The following CNGB3 variants were observed in gnomAD, a reference collection of about 807,000 sequenced individuals.
CNGB3 encodes the protein cyclic nucleotide gated channel subunit beta 3.
Under a neutral mutation model 92.8 loss-of-function variants are expected in CNGB3, and 86 were observed. That is an observed-to-expected ratio of 0.93 (90% CI 0.78 to 1.11). The LOEUF (loss-of-function observed/expected upper bound fraction) is 1.11, where lower values mean the gene tolerates loss of function less well. Ranked by LOEUF, CNGB3 falls within the 50% of genes least tolerant of loss-of-function variation. The pLI is 0.00. For missense variants in CNGB3, 1,026 were observed against 956.8 expected, an observed-to-expected ratio of 1.07 and a Z score of -0.95; for synonymous variants, 333 against 332.7, an observed-to-expected ratio of 1.00 and a Z score of -0.01.
At chr8:86,727,451 T>C (rs1825080497) in intron 2 of CNGB3, among the ~76,000 whole-genome samples, 1 of 152,176 alleles carries the variant, frequency 6.6e-6, no homozygotes, top group Non-Finnish European at 1.5e-5. Flanking sequence ...AGCTTGACCA[T>C]CTTTAAGTTG....
chr8:86,710,832 T>C (rs1236645935), intron 3 of CNGB3, among the ~76,000 whole-genome samples: 1 of 152,196 alleles, frequency 6.6e-6, no homozygotes, highest in Admixed American at 6.5e-5. Flanking sequence ...ATTCTTCATA[T>C]AGTTTTGGTT....
intron 3 of CNGB3, among the ~76,000 whole-genome samples, chr8:86,690,879 T>G (rs951367381): frequency 1.3e-5 from 2 of 152,136 alleles, no homozygotes; most frequent in Non-Finnish European, 2.9e-5. Flanking sequence ...AGATGTGTGG[T>G]GTTATTTCTG....
At chr8:86,619,944 C>T (rs1585973666) in intron 13 of CNGB3, among the ~76,000 whole-genome samples, 1 of 152,070 alleles carries the variant, frequency 6.6e-6, no homozygotes, top group East Asian at 1.9e-4. Flanking sequence ...TGGTTTTGAG[C>T]TCCTGGGCTC....
At chr8:86,654,172 A>T in intron 6 of CNGB3, 110 bp from the exon 7 acceptor site, 1 of 758,740 alleles carries the variant, frequency 1.3e-6, no homozygotes, top group Non-Finnish European at 2.3e-6. Flanking sequence ...AATCTCAGCC[A>T]ATAAACATCC....
At chr8:86,659,244 T>C in intron 6 of CNGB3, 2 of 759,516 alleles carry the variant, frequency 2.6e-6, no homozygotes, top group South Asian at 2.8e-5. Flanking sequence ...ATTTTCAGTA[T>C]ATTGGTCTTT....
chr8:86,663,858 T>C (rs1823690763), intron 6 of CNGB3, among the ~76,000 whole-genome samples: 1 of 152,238 alleles, frequency 6.6e-6, no homozygotes. Flanking sequence ...AAATAGAGCC[T>C]GTTGAGTGTG....
intron 17 of CNGB3, 114 bp from the exon 18 acceptor site, chr8:86,576,244 A>G: frequency 1.8e-6 from 2 of 1,116,924 alleles, no homozygotes; most frequent in Non-Finnish European, 2.6e-6. Flanking sequence ...TGTCTGAATT[A>G]AGTGAATCCA....
In CNGB3 at chr8:86,670,970, G is replaced by A. The variant is rs139207764; in HGVS notation, c.467C>T (p.Ser156Phe). 4.2e-5 allele frequency: 67 copies of A among 1,612,482 alleles called. No individual in the cohort carries two copies. In the Middle Eastern group the frequency reaches 8.3e-4, roughly 20 times the overall value. ...AGTTTGTGGGCTGGCTTCGGGTGAG[G>A]AGAGATCTCCCTCTACCAACTTTTT... ...YKKKLVEGDLSSPEASPQTAK... is the reference protein window; with the variant it reads ...YKKKLVEGDLFSPEASPQTAK... Residue 156 changes from serine to phenylalanine, a missense_variant, in exon 4 of 18, where the codon TCC becomes TTC. Physicochemically the swap from Ser to Phe is radical, Grantham distance 155. Coordinates refer to ENST00000320005, the MANE Select transcript of CNGB3 (RefSeq NM_019098.5).
chr8:86,619,122 G>GTCTC (rs1348174965), intron 13 of CNGB3, among the ~76,000 whole-genome samples: 1 of 152,162 alleles, frequency 6.6e-6, no homozygotes, highest in Non-Finnish European at 1.5e-5. Flanking sequence ...GTATCTCTGG[G>GTCTC]TCTCTGGTTT....
intron 15 of CNGB3, among the ~76,000 whole-genome samples, chr8:86,584,723 TC>T (rs1821860027): frequency 2.0e-5 from 3 of 152,310 alleles, no homozygotes; most frequent in Admixed American, 2.0e-4. Flanking sequence ...TGCTATTGTT[TC>T]CCTAGGTAAA....
chr8:86,681,117 A>C (rs1199845344), intron 3 of CNGB3, among the ~76,000 whole-genome samples: 1 of 152,310 alleles, frequency 6.6e-6, no homozygotes, highest in South Asian at 2.1e-4. Context: ...AGCACTGAAG[A>C]AAACAAATTT....
chr8:86,593,865 G>C, intron 15 of CNGB3: 1 of 732,598 alleles, frequency 1.4e-6, no homozygotes, highest in Non-Finnish European at 2.4e-6. Context: ...ACCCCGGGCA[G>C]CATAGCCAGG....
intron 15 of CNGB3, among the ~76,000 whole-genome samples, chr8:86,589,423 G>T (rs1221116356): frequency 2.7e-5 from 4 of 150,748 alleles, no homozygotes; most frequent in Admixed American, 2.6e-4. Context: ...TCTTTTAATT[G>T]TGATGTTAGG....
In CNGB3 at chr8:86,597,267, G is replaced by T. The variant is rs370270643; in HGVS notation, c.1781+6826C>A. Reference sequence around the variant, plus strand: ...GTGAAAGGTAACTGTGCATGAGAGGGAGCACAACAGCCAGGGCTCATGGCT... The same window carrying T: ...GTGAAAGGTAACTGTGCATGAGAGGTAGCACAACAGCCAGGGCTCATGGCT... On this transcript the variant is annotated intron_variant, in intron 15 of 17. Transcript: ENST00000320005. Among the ~76,000 whole-genome samples the T allele has an allele frequency of 7.2e-5, 11 of 152,230 alleles. 1 individual carries two copies. The East Asian group carries it at 1.4e-3, about 19-fold the overall frequency.
intron 3 of CNGB3, among the ~76,000 whole-genome samples, chr8:86,718,043 A>G (rs1824895736): frequency 6.6e-6 from 1 of 152,046 alleles, no homozygotes. Context: ...ATAGCATTAA[A>G]GGCGTACATC....
chr8:86,668,236 T>G, intron 4 of CNGB3, 68 bp from the exon 5 acceptor site: 1 of 1,544,522 alleles, frequency 6.5e-7, no homozygotes, highest in Non-Finnish European at 8.9e-7. Context: ...AAAACTTGAA[T>G]TTCTTAACCA....
At chr8:86,586,446 A>T (rs951644989) in intron 15 of CNGB3, among the ~76,000 whole-genome samples, 1 of 149,284 alleles carries the variant, frequency 6.7e-6, no homozygotes, top group Non-Finnish European at 1.5e-5. Context: ...CTAACTCGAC[A>T]TCTAGCATTA....
chr8:86,578,966 G>A, intron 16 of CNGB3, 103 bp from the exon 17 acceptor site: 2 of 1,538,698 alleles, frequency 1.3e-6, no homozygotes, highest in Non-Finnish European at 1.8e-6. Context: ...GTTTCAATGG[G>A]TACCTACATT....
chr8:86,734,060 T>G (rs1223957066), intron 2 of CNGB3, among the ~76,000 whole-genome samples: 1 of 151,966 alleles, frequency 6.6e-6, no homozygotes, highest in East Asian at 1.9e-4. Flanking sequence ...GGGATAGAGG[T>G]CAGGTCTCGC....
Sources: gnomAD v4.1 joint callset for allele counts (sites outside exome capture counted in the v4.1 genomes callset) on GRCh38, gnomAD v4.1.1 for gene constraint, MANE v1.5 for transcripts, NCBI Gene and HGNC (gene_info 2026-07-23, HGNC 2026-07-21) for gene names.